Variants in NAALADL2 observed in about 807,000 individuals in gnomAD.
The protein encoded by NAALADL2 is inactive N-acetylated-alpha-linked acidic dipeptidase-like protein 2.
In NAALADL2, 76 loss-of-function variants were observed where a neutral mutation model predicts 87.2. The ratio of observed to expected loss-of-function variants is 0.87; its 90% CI spans 0.72 to 1.05. The LOEUF is 1.05. Ranked by LOEUF, NAALADL2 falls within the 50% of genes least tolerant of loss-of-function variation. The pLI, the probability that NAALADL2 is intolerant of heterozygous loss-of-function variation, is 0.00. For synonymous variants in NAALADL2, 354 were observed against 331.0 expected (o/e 1.07, Z -0.75); for missense variants, 1,089 against 945.8 (o/e 1.15, Z -1.99).
chr3:174,745,174 A>C (rs1037141885), intron 3 of NAALADL2, among the ~76,000 whole-genome samples: 15 of 151,778 alleles, frequency 9.9e-5, no homozygotes, highest in African/African-American at 3.6e-4. Context: ...TTTTTGAAAA[A>C]AATAATAAAA....
chr3:174,557,083 A>G (rs958599150), intron 2 of NAALADL2, among the ~76,000 whole-genome samples: 1 of 152,164 alleles, frequency 6.6e-6, no homozygotes, highest in South Asian at 2.1e-4. Flanking sequence ...ATATGACAAC[A>G]TGTAATTGCT....
chr3:174,515,477 C>T (rs971626395), intron 1 of NAALADL2, among the ~76,000 whole-genome samples: 56 of 152,094 alleles, frequency 3.7e-4, no homozygotes, highest in African/African-American at 1.2e-3. Context: ...TTATAGCTTT[C>T]AGTATGTGTT....
intron 2 of NAALADL2, among the ~76,000 whole-genome samples, chr3:174,665,264 T>C (rs1333913599): frequency 6.6e-6 from 1 of 152,070 alleles, no homozygotes; most frequent in Non-Finnish European, 1.5e-5. Flanking sequence ...AGGAAATAAA[T>C]TAGAGAAATC....
chr3:175,383,023 T>A (rs1767965519), intron 5 of NAALADL2, among the ~76,000 whole-genome samples: 1 of 152,046 alleles, frequency 6.6e-6, no homozygotes. Context: ...ACGTTTTGGA[T>A]CATATTTTTT....
chr3:175,705,948 T>C (rs187809892), intron 11 of NAALADL2, among the ~76,000 whole-genome samples: 15 of 152,258 alleles, frequency 9.9e-5, no homozygotes, highest in African/African-American at 3.6e-4. Flanking sequence ...AGGACATACC[T>C]TGGCAAAGGA....
At chr3:175,520,285 T>A (rs1340842173) in intron 9 of NAALADL2, among the ~76,000 whole-genome samples, 7 of 1,362 alleles carry the variant, frequency 5.1e-3, no homozygotes, top group Non-Finnish European at 0.014. Context: ...GAATGCAATT[T>A]TTTTTTTTTT....
At chr3:174,948,907 C>T (rs1579676550) in intron 1 of NAALADL2, among the ~76,000 whole-genome samples, 1 of 152,268 alleles carries the variant, frequency 6.6e-6, no homozygotes, top group African/African-American at 2.4e-5. Flanking sequence ...TTTTATTTCT[C>T]CCAATTCTGG....
intron 1 of NAALADL2, among the ~76,000 whole-genome samples, chr3:174,480,495 T>TA (rs1297297424): frequency 6.6e-6 from 1 of 152,114 alleles, no homozygotes; most frequent in African/African-American, 2.4e-5. Flanking sequence ...ATAGAAGCTT[T>TA]TATTTAATAC....
At chr3:175,728,185 C>T (rs575686892) in intron 11 of NAALADL2, among the ~76,000 whole-genome samples, 6 of 152,044 alleles carry the variant, frequency 3.9e-5, no homozygotes, top group Admixed American at 2.6e-4. Flanking sequence ...TCTGTTTTTT[C>T]GAATATACAA....
intron 3 of NAALADL2, among the ~76,000 whole-genome samples, chr3:174,763,906 G>T (rs969096277): frequency 6.6e-6 from 1 of 151,788 alleles, no homozygotes; most frequent in African/African-American, 2.4e-5. Context: ...TTTAGAAATG[G>T]TGTGTAACCA....
chr3:175,315,518 T>C (rs1329779279), intron 4 of NAALADL2, among the ~76,000 whole-genome samples: 1 of 152,136 alleles, frequency 6.6e-6, no homozygotes, highest in Non-Finnish European at 1.5e-5. Flanking sequence ...TAAAACACTT[T>C]TTGAAGAACT....
intron 2 of NAALADL2, among the ~76,000 whole-genome samples, chr3:174,610,500 G>A (rs146172825): frequency 8.1e-4 from 124 of 152,242 alleles, no homozygotes; most frequent in Non-Finnish European, 1.5e-3. Context: ...CAAAAAGTGG[G>A]CGAAAGACAT....
chr3:175,453,908 G>T (rs753333837), intron 6 of NAALADL2, among the ~76,000 whole-genome samples: 1 of 151,960 alleles, frequency 6.6e-6, no homozygotes, highest in Admixed American at 6.6e-5. Flanking sequence ...TTATTTCTTC[G>T]GTGTTTATAC....
intron 5 of NAALADL2, among the ~76,000 whole-genome samples, chr3:175,338,664 A>ACACACAC (rs1762280095): frequency 7.0e-6 from 1 of 142,610 alleles, no homozygotes; most frequent in African/African-American, 2.6e-5. Context: ...CACACACACA[A>ACACACAC]ACAAACAAAA....
chr3:175,292,324 A>G (rs1262537363), intron 4 of NAALADL2, among the ~76,000 whole-genome samples: 3 of 152,170 alleles, frequency 2.0e-5, no homozygotes, highest in African/African-American at 7.2e-5. Flanking sequence ...GACTACTTTG[A>G]TTTATAGTTT....
At chr3:175,507,098 C>T (rs1038976868) in intron 9 of NAALADL2, among the ~76,000 whole-genome samples, 1 of 151,260 alleles carries the variant, frequency 6.6e-6, no homozygotes, top group East Asian at 1.9e-4. Flanking sequence ...TTTTTTCCTA[C>T]CCTTAGGAAA....
At chr3:174,498,312 C>T (rs73881180) in intron 1 of NAALADL2, among the ~76,000 whole-genome samples, 2,157 of 151,948 alleles carry the variant, frequency 0.014, 49 homozygotes, top group African/African-American at 0.05. Flanking sequence ...TTTATGGCTT[C>T]TTTAATCACA....
intron 1 of NAALADL2, among the ~76,000 whole-genome samples, chr3:175,079,811 C>T (rs1717384815): frequency 6.6e-6 from 1 of 151,568 alleles, no homozygotes; most frequent in Admixed American, 6.6e-5. Context: ...TGCACACACA[C>T]GTACGTAAAC....
At chr3:175,481,206 T>A (rs1266415055) in intron 9 of NAALADL2, among the ~76,000 whole-genome samples, 1 of 151,932 alleles carries the variant, frequency 6.6e-6, no homozygotes, top group Non-Finnish European at 1.5e-5. Flanking sequence ...TTGAATTGTT[T>A]TTGAAAATAA....
Sources: allele counts gnomAD v4.1 joint callset (sites outside exome capture counted in the v4.1 genomes callset), GRCh38; gene constraint gnomAD v4.1.1; transcripts MANE v1.5; gene names NCBI Gene and HGNC (gene_info 2026-07-23, HGNC 2026-07-21).